The following FIG4 variants were observed in gnomAD, a reference collection of about 807,000 sequenced individuals.
FIG4 encodes FIG4 phosphoinositide 5-phosphatase.
A neutral mutation model predicts 118.6 loss-of-function variants in FIG4; 112 were observed. That is an observed-to-expected ratio of 0.94 (90% CI 0.81 to 1.11). The LOEUF (loss-of-function observed/expected upper bound fraction) is 1.11, where lower values mean the gene tolerates loss of function less well. FIG4 is among the 50% of genes least tolerant of loss of function. The pLI is 0.00. For synonymous variants in FIG4, 369 were observed against 381.2 expected (o/e 0.97, Z 0.37); for missense variants, 969 against 1,111.7 (o/e 0.87, Z 1.83).
At chr6:109,752,370 G>C (rs1776736613) in intron 10 of FIG4, among the ~76,000 whole-genome samples, 1 of 151,158 alleles carries the variant, frequency 6.6e-6, no homozygotes, top group African/African-American at 2.4e-5. Context: ...GGGATGGCTG[G>C]GTCAAATGGT....
At chr6:109,799,728 A>G (rs1261421784) in intron 22 of FIG4, among the ~76,000 whole-genome samples, 1 of 152,230 alleles carries the variant, frequency 6.6e-6, no homozygotes. Flanking sequence ...AAGCCAGTGG[A>G]ACAGGGGCTC....
chr6:109,821,155 T>C (rs1322311294), intron 22 of FIG4, among the ~76,000 whole-genome samples: 1 of 152,082 alleles, frequency 6.6e-6, no homozygotes, highest in Non-Finnish European at 1.5e-5. Context: ...AAATTGCTGA[T>C]AGTGGCATTA....
intron 3 of FIG4, 150 bp downstream of exon 3, chr6:109,716,718 C>A: frequency 1.1e-6 from 1 of 932,978 alleles, no homozygotes; most frequent in Non-Finnish European, 1.7e-6. Flanking sequence ...ATCCATCAAT[C>A]AGATAGCAAA....
At chr6:109,696,695 T>C (rs1774732372) in intron 1 of FIG4, among the ~76,000 whole-genome samples, 1 of 152,126 alleles carries the variant, frequency 6.6e-6, no homozygotes, top group South Asian at 2.1e-4. Flanking sequence ...ATGTTGAGCT[T>C]ATAGAAGCAG....
At position 109,727,102 on chromosome 6, in the gene FIG4, T is replaced by G; in HGVS notation, c.290-7T>G. ...AAGCATATTTCTCTTTATTTTTTGT[T>G]GCATAGGTTTTGTCAGGTTCTTAGA... On this transcript the variant is annotated splice_polypyrimidine_tract_variant and splice_region_variant and intron_variant, in intron 3 of 22. Transcript: ENST00000230124. 6.2e-7 allele frequency: 1 copy of G among 1,602,202 alleles called. No individual in the cohort carries two copies. The highest frequency in any genetic ancestry group is 8.6e-7 in the Non-Finnish European group (1 of 1,169,272).
At chr6:109,714,265 A>G (rs1775360194) in intron 1 of FIG4, among the ~76,000 whole-genome samples, 1 of 152,114 alleles carries the variant, frequency 6.6e-6, no homozygotes, top group Non-Finnish European at 1.5e-5. Context: ...ATGCCAGTGC[A>G]TGGTAGTCCC....
chr6:109,797,767 G>A (rs1031803445), intron 22 of FIG4, among the ~76,000 whole-genome samples: 3 of 151,942 alleles, frequency 2.0e-5, no homozygotes, highest in Middle Eastern at 3.2e-3. Context: ...ATGGTGGTGC[G>A]TGCCTGTAAT....
At chr6:109,794,757 A>G (rs1300692132) in intron 21 of FIG4, among the ~76,000 whole-genome samples, 4 of 152,164 alleles carry the variant, frequency 2.6e-5, no homozygotes, top group East Asian at 3.9e-4. Context: ...TTGGCTGGCT[A>G]TGTTTGTGCA....
chr6:109,795,647 G>T (rs1465501809), intron 21 of FIG4, among the ~76,000 whole-genome samples: 2 of 109,558 alleles, frequency 1.8e-5, no homozygotes, highest in Non-Finnish European at 3.4e-5. Flanking sequence ...TGTCACCCAG[G>T]CTGGAGTGCA....
At chr6:109,727,348 G>T in intron 4 of FIG4, 83 bp downstream of exon 4, 9 of 1,131,258 alleles carry the variant, frequency 8.0e-6, no homozygotes, top group South Asian at 7.4e-5. Context: ...GAATATAATG[G>T]CATGGTCATA....
At chr6:109,765,387 T>G (rs773649028) in intron 14 of FIG4, among the ~76,000 whole-genome samples, 2 of 152,194 alleles carry the variant, frequency 1.3e-5, no homozygotes, top group Non-Finnish European at 2.9e-5. Flanking sequence ...GGTTTTTGTA[T>G]ACGTTAAGAG....
In FIG4 at chr6:109,702,006, G is replaced by A. The variant is rs182986959; in HGVS notation, c.66+10505G>A. Among the ~76,000 whole-genome samples, 84 of 152,298 alleles carry A rather than the reference G, an allele frequency of 5.5e-4. 1 individual carries two copies. Among genetic ancestry groups the A allele is most frequent in the African/African-American group, 2.0e-3 (84 of 41,560 alleles). On this transcript the variant is annotated intron_variant, in intron 1 of 22. Transcript: ENST00000230124. ...CTTGAGACTCACTTCCCCCTTCTGG[G>A]CGGCATTACCCAATTACTGGGATTA...
intron 9 of FIG4, 59 bp from the exon 10 acceptor site, chr6:109,743,613 GCTT>G (rs1333501409): frequency 4.7e-6 from 6 of 1,274,506 alleles, no homozygotes; most frequent in Non-Finnish European, 5.7e-6. Context: ...ACAACCCTAT[GCTT>G]CTTTTATTTT....
intron 3 of FIG4, among the ~76,000 whole-genome samples, chr6:109,721,193 C>G (rs1180115631): frequency 6.6e-6 from 1 of 152,052 alleles, no homozygotes; most frequent in East Asian, 1.9e-4. Flanking sequence ...GACTGCAGAT[C>G]CAAGATAACA....
intron 1 of FIG4, chr6:109,701,810 T>A: frequency 2.2e-6 from 1 of 463,528 alleles, no homozygotes; most frequent in Non-Finnish European, 4.5e-6. Context: ...GACTAAGGAT[T>A]GGAAAAGGAA....
intron 16 of FIG4, among the ~76,000 whole-genome samples, chr6:109,783,395 C>T (rs1777861195): frequency 6.6e-6 from 1 of 152,244 alleles, no homozygotes. Context: ...ATCTCAGCTA[C>T]ACCGGGACAC....
chr6:109,758,406 T>G (rs906386578), intron 10 of FIG4, among the ~76,000 whole-genome samples: 1 of 140,898 alleles, frequency 7.1e-6, no homozygotes, highest in African/African-American at 2.6e-5. Flanking sequence ...GCTAGCCATA[T>G]GCAGAAAACA....
intron 10 of FIG4, among the ~76,000 whole-genome samples, chr6:109,744,850 C>G (rs938457490): frequency 2.2e-5 from 3 of 134,872 alleles, no homozygotes; most frequent in African/African-American, 8.2e-5. Flanking sequence ...TCCATGTGTT[C>G]TCATTGTTCA....
intron 22 of FIG4, among the ~76,000 whole-genome samples, chr6:109,799,580 G>C (rs2128398894): frequency 6.6e-6 from 1 of 152,312 alleles, no homozygotes; most frequent in East Asian, 1.9e-4. Flanking sequence ...ATACACATAT[G>C]CATCTACCCA....
Sources: allele counts gnomAD v4.1 joint callset (sites outside exome capture counted in the v4.1 genomes callset), GRCh38; gene constraint gnomAD v4.1.1; transcripts MANE v1.5; gene names NCBI Gene and HGNC (gene_info 2026-07-23, HGNC 2026-07-21).